The following ZSCAN26 variants were observed in gnomAD, a reference collection of about 807,000 sequenced individuals.
ZSCAN26 encodes zinc finger and SCAN domain containing 26.
ZSCAN26 carries 26 observed loss-of-function variants against 23.0 expected under a neutral mutation model. The observed-to-expected ratio is 1.13, with a 90% CI of 0.83 to 1.57. The LOEUF is 1.57. Among genes scored for constraint, ZSCAN26 ranks in the 40% most tolerant of loss-of-function variants. ZSCAN26 has a pLI of 0.00. For missense variants in ZSCAN26, 528 were observed against 568.5 expected, an observed-to-expected ratio of 0.93 and a Z score of 0.72; for synonymous variants, 180 against 202.5, an observed-to-expected ratio of 0.89 and a Z score of 0.94.
At chr6:28,272,854 G>A in intron 3 of ZSCAN26, 67 bp downstream of exon 3, 1 of 1,323,410 alleles carries the variant, frequency 7.6e-7, no homozygotes, top group Non-Finnish European at 1.1e-6. Context: ...CTGAGGTTGT[G>A]CTTAGCACCC....
Position 28,271,844 on chromosome 6 carries a change from A to G in ZSCAN26, c.-66-10A>G, listed in dbSNP as rs1761698326. Reference sequence around the variant, plus strand: ...TACTGTTTCTGTCACTCTTGTTACTATAATTTTAGGAGTGTCTCTGAAGAT... The same window carrying G: ...TACTGTTTCTGTCACTCTTGTTACTGTAATTTTAGGAGTGTCTCTGAAGAT... On this transcript the variant is annotated splice_polypyrimidine_tract_variant and intron_variant, in intron 1 of 3. Transcript: ENST00000421553. 4 of 1,297,688 alleles carry G rather than the reference A, an allele frequency of 3.1e-6. No individual in the cohort carries two copies. Among genetic ancestry groups the G allele is most frequent in the South Asian group, 1.6e-5 (1 of 64,418 alleles). The allele number at this position is 1,297,688 out of a possible 1,614,324, so 80.4% of individuals were successfully genotyped here. A position where few individuals can be genotyped will look rare whatever the true frequency, so the allele number is the denominator to read the frequency against.
At position 28,276,700 on chromosome 6, in the gene ZSCAN26, T is replaced by G. The variant is rs541804397; in HGVS notation, c.1044T>G (p.Phe348Leu). The G allele has an allele frequency of 1.2e-6, 2 of 1,612,864 alleles. No individual in the cohort carries two copies. The highest frequency in any genetic ancestry group is 1.7e-6 in the Non-Finnish European group (2 of 1,179,330). The change falls in exon 4 of 4, where the codon TTT (phenylalanine) becomes TTG (leucine). Residue 348 changes from phenylalanine to leucine, a missense_variant. Coordinates refer to ENST00000421553, the MANE Select transcript of ZSCAN26 (RefSeq NM_001023560.4). Reference protein sequence around the residue: ...PYLCIHCGKNFRRSSHLNRHQ... With the variant: ...PYLCIHCGKNLRRSSHLNRHQ... ...TATGTATCCATTGTGGAAAAAATTTTAGGCGCAGCTCTCACCTTAATCGAC... is the reference window on the plus strand; with the variant it reads ...TATGTATCCATTGTGGAAAAAATTTGAGGCGCAGCTCTCACCTTAATCGAC...
rs1761967967 is a variant in ZSCAN26, at chr6:28,276,877, C to T, written c.1221C>T (p.Thr407=). The stretch of plus-strand genomic sequence containing the variant: ...AGTGTGGAAAAGCTTTCAGTTTGAC[C>T]TCAGACCTTATTCGACACCACAGAA... ...CNECGKAFSL[T]SDLIRHHRIH... The change falls in exon 4 of 4, where the codon ACC becomes ACT. Residue 407 remains threonine (T), a synonymous_variant. Transcript: ENST00000421553. The T allele has an allele frequency of 6.2e-7, 1 of 1,613,832 alleles. No individual in the cohort carries two copies. Among genetic ancestry groups the T allele is most frequent in the South Asian group, 1.1e-5 (1 of 91,088 alleles).
chr6:28,268,625 A>T lies in ZSCAN26; in HGVS notation c.-67+1412A>T, dbSNP rs547612509. On this transcript the variant is annotated intron_variant, in intron 1 of 3. Coordinates refer to ENST00000421553, the MANE Select transcript of ZSCAN26 (RefSeq NM_001023560.4). Reference sequence around the variant, plus strand: ...GATGAGAAGTGGATTGATTTGAGAGATATTTAAGCAATAGAATCAATAGAA... The same window carrying T: ...GATGAGAAGTGGATTGATTTGAGAGTTATTTAAGCAATAGAATCAATAGAA... Among the ~76,000 whole-genome samples the T allele has an allele frequency of 4.6e-5, 7 of 152,320 alleles. No homozygotes were observed. The East Asian group carries it at 1.2e-3, about 25-fold the overall frequency.
At position 28,277,858 on chromosome 6, in the gene ZSCAN26, A is replaced by G. The variant is rs1185728339; in HGVS notation, c.*762A>G. The G allele has an allele frequency of 1.3e-5, 2 of 152,252 alleles. No homozygotes were observed. The highest frequency in any genetic ancestry group is 4.8e-5 in the African/African-American group (2 of 41,468). 9.4% of individuals were successfully genotyped at this position (152,252 alleles called of 1,614,324 possible). A position where few individuals can be genotyped will look rare whatever the true frequency, so the allele number is the denominator to read the frequency against. On this transcript the variant is annotated 3_prime_UTR_variant, in exon 4 of 4. Coordinates refer to ENST00000421553, the MANE Select transcript of ZSCAN26 (RefSeq NM_001023560.4). ...ATCTGAATAGCAACTGTCTGACTTG[A>G]TAACTCCAGTGCCAGTATAGTGGCT...
chr6:28,276,109 T>G, intron 3 of ZSCAN26, 86 bp from the exon 4 acceptor site: 1 of 1,241,808 alleles, frequency 8.1e-7, no homozygotes, highest in Non-Finnish European at 1.1e-6. Context: ...CATGGCTTCA[T>G]TATATTTTTT....
chr6:28,267,461 C>T (rs1417666155), intron 1 of ZSCAN26: 1 of 128,114 alleles, frequency 7.8e-6, no homozygotes, highest in Non-Finnish European at 1.7e-5. Context: ...AAGGTAGGCG[C>T]CACCGAGAAG....
At chr6:28,270,737 C>T (rs947663363) in intron 1 of ZSCAN26, among the ~76,000 whole-genome samples, 1 of 152,104 alleles carries the variant, frequency 6.6e-6, no homozygotes, top group Admixed American at 6.5e-5. Flanking sequence ...GTCATTTATG[C>T]TCACTCTCCA....
chr6:28,276,380 A>G lies in ZSCAN26; in HGVS notation c.724A>G (p.Ile242Val), dbSNP rs766126680. ...YKCSEREQRF[I>V]QHLDLIEHAS... ...ATGCTCAGAACGTGAGCAGAGATTC[A>G]TCCAGCACTTGGACCTGATTGAACA... The change falls in exon 4 of 4, where the codon ATC becomes GTC. Residue 242 changes from isoleucine (I) to valine (V), a missense_variant. By Grantham distance (29) the Ile-to-Val change is conservative (BLOSUM62 3). Coordinates refer to ENST00000421553, the MANE Select transcript of ZSCAN26 (RefSeq NM_001023560.4). The G allele has an allele frequency of 6.8e-6, 11 of 1,614,036 alleles. No individual in the cohort carries two copies. Among genetic ancestry groups the G allele is most frequent in the Middle Eastern group, 1.6e-4 (1 of 6,062 alleles).
intron 3 of ZSCAN26, among the ~76,000 whole-genome samples, chr6:28,275,805 G>A (rs1011716606): frequency 1.3e-5 from 2 of 152,198 alleles, no homozygotes; most frequent in South Asian, 2.1e-4. Context: ...TTAAAATGTC[G>A]TCCCTTTCTT....
At chr6:28,269,313 T>C (rs1488899264) in intron 1 of ZSCAN26, among the ~76,000 whole-genome samples, 1 of 152,178 alleles carries the variant, frequency 6.6e-6, no homozygotes, top group Non-Finnish European at 1.5e-5. Context: ...TACAGGTATA[T>C]ATACCTAAAC....
chr6:28,269,128 A>C (rs1213529459), intron 1 of ZSCAN26, among the ~76,000 whole-genome samples: 3 of 147,534 alleles, frequency 2.0e-5, no homozygotes, highest in East Asian at 4.0e-4. Context: ...AAAAAAAAAA[A>C]CACATCATAC....
intron 1 of ZSCAN26, 151 bp downstream of exon 1, chr6:28,267,364 A>G (rs1761486845): frequency 1.3e-5 from 2 of 152,088 alleles, no homozygotes; most frequent in Non-Finnish European, 2.9e-5. Flanking sequence ...GGCCTATGAG[A>G]GTGATGAAGC....
intron 3 of ZSCAN26, among the ~76,000 whole-genome samples, chr6:28,273,626 T>G (rs905699273): frequency 6.6e-6 from 1 of 151,772 alleles, no homozygotes; most frequent in Non-Finnish European, 1.5e-5. Flanking sequence ...TACTCATTTT[T>G]TAACATTTCC....
rs773589771 is a variant in ZSCAN26, at chr6:28,272,064, C to T, written c.145C>T (p.Pro49Ser). Residue 49 changes from proline to serine, a missense_variant, in exon 2 of 4, where the codon CCA becomes TCA. Transcript: ENST00000421553. ...AAACAGTAAAGGCCTTGGACAGGAGCCATTGTGCAAACAATTCAGGCAGTT... is the reference window on the plus strand; with the variant it reads ...AAACAGTAAAGGCCTTGGACAGGAGTCATTGTGCAAACAATTCAGGCAGTT... The part of the protein sequence containing the change: ...QGNSKGLGQE[P>S]LCKQFRQLRY... The T allele has an allele frequency of 1.1e-4, 175 of 1,558,494 alleles. No individual in the cohort carries two copies. Among genetic ancestry groups the T allele is most frequent in the Non-Finnish European group, 1.4e-4 (161 of 1,150,816 alleles).
chr6:28,276,053 C>A (rs1320424719), intron 3 of ZSCAN26, 142 bp from the exon 4 acceptor site: 1 of 704,952 alleles, frequency 1.4e-6, no homozygotes, highest in East Asian at 2.7e-5. Flanking sequence ...CATTCTGTAA[C>A]TATTTTACGC....
chr6:28,268,392 T>A (rs1761530546), intron 1 of ZSCAN26, among the ~76,000 whole-genome samples: 1 of 152,080 alleles, frequency 6.6e-6, no homozygotes, highest in Non-Finnish European at 1.5e-5. Context: ...CTTTATTAGA[T>A]CAAAAAACAA....
At chr6:28,271,799 G>C (rs1427496062) in intron 1 of ZSCAN26, 55 bp from the exon 2 acceptor site, 17 of 879,420 alleles carry the variant, frequency 1.9e-5, no homozygotes, top group Non-Finnish European at 2.9e-5. Context: ...AAATGTTACT[G>C]TTCTTGTTAG....
Position 28,276,965 on chromosome 6 carries a change from C to T in ZSCAN26, c.1309C>T (p.His437Tyr), listed in dbSNP as rs779641149. The part of the protein sequence containing the change: ...ICQKAFRLNS[H>Y]LAQHVRIHNE... ...CCAGAAAGCCTTCCGACTAAACTCACACCTTGCTCAGCATGTAAGAATCCA... is the reference window on the plus strand; with the variant it reads ...CCAGAAAGCCTTCCGACTAAACTCATACCTTGCTCAGCATGTAAGAATCCA... Residue 437 changes from histidine (H) to tyrosine (Y), a missense_variant, in exon 4 of 4, where the codon CAC (histidine) becomes TAC (tyrosine). By Grantham distance (83) the His-to-Tyr change is moderately conservative. Coordinates refer to ENST00000421553, the MANE Select transcript of ZSCAN26 (RefSeq NM_001023560.4). 1.2e-6 allele frequency: 2 copies of T among 1,614,020 alleles called. No individual in the cohort carries two copies. The highest frequency in any genetic ancestry group is 3.3e-4 in the Middle Eastern group (2 of 6,062).
Sources: allele counts gnomAD v4.1 joint callset (sites outside exome capture counted in the v4.1 genomes callset), GRCh38; gene constraint gnomAD v4.1.1; transcripts MANE v1.5; gene names NCBI Gene and HGNC (gene_info 2026-07-23, HGNC 2026-07-21).